PTPRT: variants seen among roughly 807,000 people sequenced by gnomAD.
PTPRT encodes receptor-type tyrosine-protein phosphatase T.
PTPRT carries 56 observed loss-of-function variants against 176.8 expected under a neutral mutation model. The ratio of observed to expected loss-of-function variants is 0.32; its 90% CI spans 0.26 to 0.40. The LOEUF is 0.40. PTPRT is among the 10% of genes least tolerant of loss of function. The probability of loss-of-function intolerance (pLI) is 1.00; values close to 1 mark genes in which losing one functional copy is unlikely to be tolerated. For synonymous variants in PTPRT, 783 were observed against 739.0 expected (o/e 1.06, Z -0.96); for missense variants, 1,540 against 1,908.2 (o/e 0.81, Z 3.60).
intron 2 of PTPRT, among the ~76,000 whole-genome samples, chr20:42,799,381 C>T (rs2077497259): frequency 6.6e-6 from 1 of 152,112 alleles, no homozygotes; most frequent in South Asian, 2.1e-4. Context: ...AAAATAAAGA[C>T]TTTTTACCCA....
intron 9 of PTPRT, among the ~76,000 whole-genome samples, chr20:42,360,155 A>G (rs541975996): frequency 6.6e-6 from 1 of 152,298 alleles, no homozygotes; most frequent in Non-Finnish European, 1.5e-5. Context: ...AACAAACATT[A>G]TGTGCCTACC....
chr20:42,723,990 G>A (rs1236373057), intron 6 of PTPRT, among the ~76,000 whole-genome samples: 1 of 152,150 alleles, frequency 6.6e-6, no homozygotes, highest in Admixed American at 6.5e-5. Flanking sequence ...ACCTCTCCGA[G>A]GCTGTCTCAA....
chr20:43,044,683 C>T (rs1039379808), intron 1 of PTPRT, among the ~76,000 whole-genome samples: 1 of 152,186 alleles, frequency 6.6e-6, no homozygotes, highest in Non-Finnish European at 1.5e-5. Context: ...CCTCAAAGCA[C>T]TGTCAGGAGG....
At chr20:42,395,204 C>G (rs921774467) in intron 9 of PTPRT, among the ~76,000 whole-genome samples, 1 of 152,148 alleles carries the variant, frequency 6.6e-6, no homozygotes, top group African/African-American at 2.4e-5. Flanking sequence ...AACACCTCCA[C>G]GCTCTCCTCA....
At chr20:42,686,125 T>G (rs1267484625) in intron 6 of PTPRT, 1 of 152,168 alleles carries the variant, frequency 6.6e-6, no homozygotes, top group Non-Finnish European at 1.5e-5. Context: ...AGTTTACCTG[T>G]TTCCTCATTT....
the PTPRT span, among the ~76,000 whole-genome samples, chr20:42,041,368 T>G: frequency 6.6e-6 from 1 of 152,196 alleles, no homozygotes; most frequent in African/African-American, 2.4e-5. Flanking sequence ...GAGGCTGGAA[T>G]GGTGAGCATT....
At chr20:42,889,016 G>C (rs1042529109) in intron 1 of PTPRT, among the ~76,000 whole-genome samples, 1 of 152,178 alleles carries the variant, frequency 6.6e-6, no homozygotes, top group African/African-American at 2.4e-5. Context: ...AGGCATCCCA[G>C]GTTACAGATC....
chr20:42,529,330 C>T (rs901094762), intron 7 of PTPRT, among the ~76,000 whole-genome samples: 13 of 152,084 alleles, frequency 8.5e-5, no homozygotes, highest in Admixed American at 3.9e-4. Context: ...CGTGAGACCA[C>T]GACTGTCTAA....
At chr20:42,071,042 C>T (rs1328616030), downstream of PTPRT, among the ~76,000 whole-genome samples, 5 of 152,160 alleles carry the variant, frequency 3.3e-5, no homozygotes, top group African/African-American at 9.7e-5. Flanking sequence ...ACACCAGGTT[C>T]CCCATGTCAT....
rs59926142 is a variant in PTPRT, at chr20:42,985,887, C to T, written c.89-99955G>A. 8.9e-3 allele frequency among the ~76,000 whole-genome samples: 1,359 copies of T among 152,208 alleles called. 12 individuals are homozygous for T. Among genetic ancestry groups the T allele is most frequent in the Non-Finnish European group, 0.013 (894 of 68,026 alleles). The stretch of plus-strand genomic sequence containing the variant: ...GTACGCCTCCCTGTTCAAGGAGCAG[C>T]CCAGCAGTGTGGCCAGCAAGGCTGG... On this transcript the variant is annotated intron_variant, in intron 1 of 30. Coordinates refer to ENST00000373187, the MANE Select transcript of PTPRT (RefSeq NM_007050.6).
chr20:42,625,727 C>A (rs1413350311), intron 7 of PTPRT, among the ~76,000 whole-genome samples: 1 of 151,906 alleles, frequency 6.6e-6, no homozygotes, highest in Non-Finnish European at 1.5e-5. Flanking sequence ...TCAACCAACA[C>A]AATGAGAGAG....
intron 1 of PTPRT, among the ~76,000 whole-genome samples, chr20:42,900,373 G>A (rs1210460075): frequency 2.0e-5 from 3 of 152,186 alleles, no homozygotes; most frequent in African/African-American, 2.4e-5. Flanking sequence ...GTCCCTGATG[G>A]TGAGCAGGCA....
At chr20:42,308,017 T>G (rs77628996) in intron 12 of PTPRT, among the ~76,000 whole-genome samples, 8,532 of 152,228 alleles carry the variant, frequency 0.056, 348 homozygotes, top group Non-Finnish European at 0.085. Context: ...CCATGACAGT[T>G]TATAAGTGCT....
At chr20:42,862,335 T>C (rs1045801004) in intron 2 of PTPRT, among the ~76,000 whole-genome samples, 2 of 152,142 alleles carry the variant, frequency 1.3e-5, no homozygotes, top group Admixed American at 1.3e-4. Flanking sequence ...ACATGGTAGG[T>C]GTTCAGCAAA....
chr20:42,284,536 C>A (rs138582227), intron 12 of PTPRT, among the ~76,000 whole-genome samples: 3 of 151,962 alleles, frequency 2.0e-5, no homozygotes, highest in African/African-American at 7.2e-5. Context: ...ATGGTAGAAC[C>A]TTATGACATG....
intron 9 of PTPRT, among the ~76,000 whole-genome samples, chr20:42,366,776 G>A (rs930892174): frequency 8.6e-5 from 3 of 34,850 alleles, no homozygotes; most frequent in South Asian, 9.8e-4. Context: ...CACATGTGAG[G>A]AAGCTGATTG....
At chr20:42,859,132 C>G (rs769335163) in intron 2 of PTPRT, among the ~76,000 whole-genome samples, 11 of 152,100 alleles carry the variant, frequency 7.2e-5, no homozygotes, top group Non-Finnish European at 1.0e-4. Flanking sequence ...TGTGACAACC[C>G]CACATTAATC....
chr20:42,323,224 T>G (rs1361953991), intron 11 of PTPRT, among the ~76,000 whole-genome samples: 7 of 151,548 alleles, frequency 4.6e-5, no homozygotes, highest in African/African-American at 2.4e-5. Flanking sequence ...GATCTAGAAC[T>G]AGAAATACCA....
chr20:42,487,249 G>T (rs544788391), intron 7 of PTPRT, among the ~76,000 whole-genome samples: 2 of 152,270 alleles, frequency 1.3e-5, no homozygotes, highest in East Asian at 3.9e-4. Flanking sequence ...AGCCACCCTG[G>T]CATTTGCAGT....
Sources: allele counts gnomAD v4.1 joint callset (sites outside exome capture counted in the v4.1 genomes callset), GRCh38; gene constraint gnomAD v4.1.1; transcripts MANE v1.5; gene names NCBI Gene and HGNC (gene_info 2026-07-23, HGNC 2026-07-21).